AGBL1: variants seen among roughly 807,000 people sequenced by gnomAD.
AGBL1 encodes the protein AGBL carboxypeptidase 1.
AGBL1 carries 130 observed loss-of-function variants against 118.9 expected under a neutral mutation model. That is an observed-to-expected ratio of 1.09 (90% CI 0.95 to 1.26). The LOEUF (loss-of-function observed/expected upper bound fraction) is 1.26. Ranked by LOEUF, AGBL1 falls within the 50% of genes most tolerant of loss-of-function variation. The pLI is 0.00. For missense variants in AGBL1, 1,584 were observed against 1,298.1 expected (o/e 1.22, Z -3.38); for synonymous variants, 555 against 478.9 (o/e 1.16, Z -2.08).
chr15:86,977,711 T>C (rs1207636052), intron 23 of AGBL1, among the ~76,000 whole-genome samples: 1 of 152,032 alleles, frequency 6.6e-6, no homozygotes, highest in Non-Finnish European at 1.5e-5. Flanking sequence ...TACTTAAGTC[T>C]ACTAGATTTC....
chr15:86,262,370 G>A (rs577662717), intron 9 of AGBL1, among the ~76,000 whole-genome samples: 2 of 152,066 alleles, frequency 1.3e-5, no homozygotes, highest in South Asian at 2.1e-4. Flanking sequence ...GCTCACAGTC[G>A]GTGCTGATTA....
intron 21 of AGBL1, among the ~76,000 whole-genome samples, chr15:86,581,793 G>A (rs964901759): frequency 1.3e-5 from 2 of 151,890 alleles, no homozygotes; most frequent in Admixed American, 1.3e-4. Context: ...TTGTAGTCTC[G>A]GTCAGGAAAT....
chr15:86,700,468 T>TACAC (rs67457435), intron 22 of AGBL1, among the ~76,000 whole-genome samples: 6,730 of 114,628 alleles, frequency 0.059, 181 homozygotes, highest in Non-Finnish European at 0.076. Context: ...AGCAGACTAA[T>TACAC]ACACACACAC....
At chr15:86,767,118 T>C (rs2078107331) in intron 22 of AGBL1, among the ~76,000 whole-genome samples, 1 of 152,050 alleles carries the variant, frequency 6.6e-6, no homozygotes, top group African/African-American at 2.4e-5. Context: ...GTATCAACTT[T>C]TAAAAAACAT....
chr15:86,129,845 G>A (rs1371371984), intron 1 of AGBL1, among the ~76,000 whole-genome samples: 1 of 152,152 alleles, frequency 6.6e-6, no homozygotes, highest in Admixed American at 6.6e-5. Flanking sequence ...ACACAGTGGA[G>A]GTTTTGAGAG....
At position 86,264,855 on chromosome 15, in the gene AGBL1, C is replaced by G. The variant is rs764457286; in HGVS notation, c.1667+17C>G. 1.9e-6 allele frequency: 3 copies of G among 1,545,712 alleles called. No individual in the cohort carries two copies. The East Asian group carries it at 6.8e-5, about 35-fold the overall frequency. ...AGTCCAAAGGTGATGGCGCTACTGA[C>G]TTGGGAGCTCTTTTTTTCTGTTCTT... On this transcript the variant is annotated intron_variant, in intron 11 of 22. Transcript: ENST00000614907.
chr15:86,888,466 G>C (rs566379316), intron 22 of AGBL1, among the ~76,000 whole-genome samples: 2 of 151,932 alleles, frequency 1.3e-5, no homozygotes, highest in African/African-American at 2.4e-5. Flanking sequence ...TCACACTGTC[G>C]ATTCTTTGCG....
chr15:86,484,098 C>T (rs1289008456), intron 18 of AGBL1, among the ~76,000 whole-genome samples: 1 of 152,096 alleles, frequency 6.6e-6, no homozygotes, highest in East Asian at 1.9e-4. Context: ...TTTTCATCTG[C>T]CAGCCAATCA....
intron 16 of AGBL1, among the ~76,000 whole-genome samples, chr15:86,292,907 G>A (rs192563214): frequency 1.9e-4 from 29 of 152,286 alleles, no homozygotes; most frequent in South Asian, 1.7e-3. Context: ...GAAGGTTGGG[G>A]AATAATAGTC....
Position 86,269,529 on chromosome 15 carries a change from T to C in AGBL1, c.1839-390T>C, listed in dbSNP as rs142435850. Among the ~76,000 whole-genome samples, 841 of 152,362 alleles carry C rather than the reference T, an allele frequency of 5.5e-3. 5 individuals carry two copies. Among genetic ancestry groups the C allele is most frequent in the African/African-American group, 0.02 (813 of 41,572 alleles). On this transcript the variant is annotated intron_variant, in intron 13 of 22. Coordinates refer to ENST00000614907, the MANE Select transcript of AGBL1 (RefSeq NM_001386094.1). ...AGTAAAAAGACTAGAATTGGAATGT[T>C]CTTAACCCAAAAAGTGTTAAATGCT...
rs1467499518 is a variant in AGBL1 at position 86,159,036 on chromosome 15, GCCATGTAATACTTCTGCC to G, written c.488+13_488+30del. The G allele has an allele frequency of 6.2e-7, 1 of 1,611,460 alleles. No individual in the cohort carries two copies. Among genetic ancestry groups the G allele is most frequent in the East Asian group, 2.2e-5 (1 of 44,824 alleles). Reference sequence around the variant, plus strand: ...GCACCCAAGCAATCAGGTACAGAGTGCCATGTAATACTTCTGCCCCTTTTGTAACAGATGGAGAGATGG... The same window carrying G: ...GCACCCAAGCAATCAGGTACAGAGTGCCTTTTGTAACAGATGGAGAGATGG... On this transcript the variant is annotated intron_variant, in intron 5 of 22. Coordinates refer to ENST00000614907, the MANE Select transcript of AGBL1 (RefSeq NM_001386094.1).
intron 5 of AGBL1, among the ~76,000 whole-genome samples, chr15:86,175,308 G>T (rs1457671727): frequency 6.6e-6 from 1 of 152,016 alleles, no homozygotes; most frequent in Non-Finnish European, 1.5e-5. Context: ...GCATATAGTT[G>T]TTCATAATAG....
chr15:86,434,396 A>G (rs1381538599), intron 18 of AGBL1, among the ~76,000 whole-genome samples: 1 of 152,254 alleles, frequency 6.6e-6, no homozygotes, highest in Non-Finnish European at 1.5e-5. Flanking sequence ...AGGCGAGAAG[A>G]GATGCTGAGA....
intron 22 of AGBL1, among the ~76,000 whole-genome samples, chr15:86,796,617 T>A (rs2078576353): frequency 6.6e-6 from 1 of 152,182 alleles, no homozygotes; most frequent in Non-Finnish European, 1.5e-5. Flanking sequence ...CTGAAATGGC[T>A]TTGTTTGGTT....
At chr15:86,234,411 C>T (rs570262566) in intron 6 of AGBL1, among the ~76,000 whole-genome samples, 4 of 151,974 alleles carry the variant, frequency 2.6e-5, no homozygotes, top group Admixed American at 1.3e-4. Flanking sequence ...ATTAGCTGTG[C>T]GTGATGGCAT....
At chr15:86,645,282 C>G (rs1322272960) in intron 21 of AGBL1, among the ~76,000 whole-genome samples, 1 of 152,010 alleles carries the variant, frequency 6.6e-6, no homozygotes, top group African/African-American at 2.4e-5. Flanking sequence ...TACATATATA[C>G]TTGTGTGTGT....
At chr15:86,186,886 T>C (rs1238595540) in intron 5 of AGBL1, among the ~76,000 whole-genome samples, 3 of 152,158 alleles carry the variant, frequency 2.0e-5, no homozygotes, top group African/African-American at 7.2e-5. Context: ...ATACCAGAAA[T>C]GAAGTTCAAG....
chr15:86,956,548 C>T lies in AGBL1; in HGVS notation c.3222-31439C>T, dbSNP rs192314224. 3.9e-5 allele frequency among the ~76,000 whole-genome samples: 6 copies of T among 152,260 alleles called. No individual in the cohort carries two copies. The East Asian group carries it at 9.7e-4, about 25-fold the overall frequency. ...TCTATTGTAGACTTGAGGCAGAATT[C>T]CTTCTTTGGGAAACATCTGTCTTTG... On this transcript the variant is annotated intron_variant, in intron 23 of 24. Transcript: ENST00000441037.
At chr15:86,965,842 G>A (rs957452607) in intron 23 of AGBL1, among the ~76,000 whole-genome samples, 7 of 152,008 alleles carry the variant, frequency 4.6e-5, no homozygotes, top group African/African-American at 1.4e-4. Context: ...ATCACACACC[G>A]GGGCCTGTCA....
Sources: gnomAD v4.1 joint callset for allele counts (sites outside exome capture counted in the v4.1 genomes callset) on GRCh38, gnomAD v4.1.1 for gene constraint, MANE v1.5 for transcripts, NCBI Gene and HGNC (gene_info 2026-07-23, HGNC 2026-07-21) for gene names.